The following UNC45B variants were observed in gnomAD, a reference collection of about 807,000 sequenced individuals.
UNC45B encodes protein unc-45 homolog B.
UNC45B carries 78 observed loss-of-function variants against 98.7 expected under a neutral mutation model. That is an observed-to-expected ratio of 0.79 (90% CI 0.66 to 0.95). The LOEUF is 0.95. Ranked by LOEUF, UNC45B falls within the 40% of genes least tolerant of loss-of-function variation. UNC45B has a pLI of 0.00. For missense variants in UNC45B, 1,225 were observed against 1,184.9 expected, an observed-to-expected ratio of 1.03 and a Z score of -0.50; for synonymous variants, 462 against 480.4, an observed-to-expected ratio of 0.96 and a Z score of 0.50.
At chr17:35,149,878 C>T (rs1211365861) in intron 3 of UNC45B, among the ~76,000 whole-genome samples, 170 bp from the exon 4 acceptor site, 1 of 152,206 alleles carries the variant, frequency 6.6e-6, no homozygotes, top group East Asian at 1.9e-4. Context: ...GTGGATCTTA[C>T]TGTCTCCCTA....
chr17:35,154,448 G>A, intron 5 of UNC45B, 126 bp from the exon 6 acceptor site: 1 of 868,832 alleles, frequency 1.2e-6, no homozygotes. Context: ...GGATTACCAA[G>A]GTGAGATAAT....
chr17:35,159,872 G>C (rs1268492160), intron 8 of UNC45B, among the ~76,000 whole-genome samples: 1 of 152,234 alleles, frequency 6.6e-6, no homozygotes, highest in Non-Finnish European at 1.5e-5. Flanking sequence ...TACTTCACAG[G>C]CCTTTCAAAA....
intron 5 of UNC45B, among the ~76,000 whole-genome samples, chr17:35,153,483 A>AT (rs958028958): frequency 7.3e-6 from 1 of 136,124 alleles, no homozygotes; most frequent in African/African-American, 2.6e-5. Context: ...CAAACTTGTT[A>AT]CCTTTTTTTT....
intron 19 of UNC45B, among the ~76,000 whole-genome samples, chr17:35,184,185 T>C (rs1327208449): frequency 6.6e-6 from 1 of 152,210 alleles, no homozygotes; most frequent in Non-Finnish European, 1.5e-5. Flanking sequence ...CAGGCTCTTC[T>C]AGATAGTCAG....
At chr17:35,160,008 G>A (rs574025272) in intron 8 of UNC45B, among the ~76,000 whole-genome samples, 14 of 152,172 alleles carry the variant, frequency 9.2e-5, no homozygotes, top group African/African-American at 1.4e-4. Flanking sequence ...GACATGCCCC[G>A]CAGAGAGGAA....
intron 5 of UNC45B, 79 bp downstream of exon 5, chr17:35,153,061 G>T: frequency 7.9e-7 from 1 of 1,271,420 alleles, no homozygotes; most frequent in Admixed American, 2.0e-5. Flanking sequence ...GGGGGAAGGG[G>T]GACCGGAGGC....
chr17:35,187,614 G>A lies in UNC45B; in HGVS notation c.*1055G>A, dbSNP rs2092311803. ...GCCTGGGTCATATATACAAGTCTAG[G>A]GAAGAAATGAGCTTCATCCCTGTCC... On this transcript the variant is annotated 3_prime_UTR_variant, in exon 20 of 20. Coordinates refer to ENST00000394570, the MANE Select transcript of UNC45B (RefSeq NM_001267052.2). 2 of 152,192 alleles carry A rather than the reference G, an allele frequency of 1.3e-5. No individual in the cohort carries two copies. Among genetic ancestry groups the A allele is most frequent in the Admixed American group, 1.3e-4 (2 of 15,280 alleles). The allele number at this position is 152,192 out of a possible 1,614,324, so 9.4% of individuals were successfully genotyped here. A position where few individuals can be genotyped will look rare whatever the true frequency, so the allele number is the denominator to read the frequency against.
Position 35,154,857 on chromosome 17 carries a change from G to C in UNC45B, c.639+116G>C, listed in dbSNP as rs529562507. 2.1e-3 allele frequency: 2,419 copies of C among 1,160,192 alleles called. 1 individual carries two copies. The highest frequency in any genetic ancestry group is 2.4e-3 in the Non-Finnish European group (2,093 of 870,412). The allele number at this position is 1,160,192 out of a possible 1,614,324, so 71.9% of individuals were successfully genotyped here. A position where few individuals can be genotyped will look rare whatever the true frequency, so the allele number is the denominator to read the frequency against. ...AATGGAACCAGATAAAAAGTCAAAG[G>C]GTGCTCCAGTCTCTTTTTCCCTTTC... On this transcript the variant is annotated intron_variant, in intron 6 of 19. Transcript: ENST00000394570.
rs941020747 is a variant in UNC45B at position 35,154,656 on chromosome 17, T to G, written c.554T>G (p.Leu185Arg). ...CAGAACAATGGAGTAGCCTTGCTAC[T>G]GCAGCTTCTGGACACTAAGAAGCCT... ...IFQNNGVALLLQLLDTKKPEL... is the reference protein window; with the variant it reads ...IFQNNGVALLRQLLDTKKPEL... Residue 185 changes from leucine (L) to arginine (R), a missense_variant, in exon 6 of 20, where the codon CTG (leucine) becomes CGG (arginine). Leu to Arg is a moderately radical substitution (Grantham distance 102, BLOSUM62 -2). Transcript: ENST00000394570. 6.2e-7 allele frequency: 1 copy of G among 1,613,330 alleles called. No individual in the cohort carries two copies. Among genetic ancestry groups the G allele is most frequent in the Non-Finnish European group, 8.5e-7 (1 of 1,179,886 alleles).
chr17:35,169,828 C>T lies in UNC45B; in HGVS notation c.1453-9C>T, dbSNP rs1329169287. 1.2e-6 allele frequency: 2 copies of T among 1,613,722 alleles called. No homozygotes were observed. Among genetic ancestry groups the T allele is most frequent in the Non-Finnish European group, 1.7e-6 (2 of 1,179,696 alleles). Reference sequence around the variant, plus strand: ...CCTGCATGTGTCTGCTGTCTCCTCTCCTCCTCAGGGACTCTGTAAGCTCGG... The same window carrying T: ...CCTGCATGTGTCTGCTGTCTCCTCTTCTCCTCAGGGACTCTGTAAGCTCGG... On this transcript the variant is annotated splice_polypyrimidine_tract_variant and intron_variant, in intron 10 of 19. Transcript: ENST00000394570.
At chr17:35,176,095 A>C in intron 15 of UNC45B, 61 bp downstream of exon 15, 1 of 1,534,446 alleles carries the variant, frequency 6.5e-7, no homozygotes, top group Non-Finnish European at 9.0e-7. Context: ...CTAGCGCAAG[A>C]ATTATGTACC....
intron 16 of UNC45B, 106 bp from the exon 17 acceptor site, chr17:35,177,389 T>C (rs1349172007): frequency 3.8e-6 from 3 of 787,250 alleles, no homozygotes; most frequent in Non-Finnish European, 6.2e-6. Context: ...AATCAGACAA[T>C]GTATGAGAAA....
In UNC45B at chr17:35,173,891, C is replaced by A. The variant is rs565286623; in HGVS notation, c.1831-351C>A. Among the ~76,000 whole-genome samples the A allele has an allele frequency of 4.0e-5, 6 of 150,712 alleles. 1 individual carries two copies. The South Asian group carries it at 1.3e-3, about 32-fold the overall frequency. ...GCAGTGGTGCGATCTCGGCTCACTG[C>A]AAGCTCTGCCCCCGGGTTCATGCCA... On this transcript the variant is annotated intron_variant, in intron 13 of 19. Coordinates refer to ENST00000394570, the MANE Select transcript of UNC45B (RefSeq NM_001267052.2).
At chr17:35,184,321 T>G (rs1198992156) in intron 19 of UNC45B, among the ~76,000 whole-genome samples, 1 of 152,240 alleles carries the variant, frequency 6.6e-6, no homozygotes, top group Non-Finnish European at 1.5e-5. Flanking sequence ...GACTTCAGCT[T>G]CTTTCTCTAA....
In UNC45B at chr17:35,155,324, T is replaced by C. The variant is rs2092051830; in HGVS notation, c.668T>C (p.Ile223Thr). The stretch of plus-strand genomic sequence containing the variant: ...ACAGTGATTCTGCATGCAGTGCGGA[T>C]AGACCGAATCTGTAGCCTCATGGCC... ...RATVILHAVR[I>T]DRICSLMAVE... The change falls in exon 7 of 20, where the codon ATA becomes ACA. Residue 223 changes from isoleucine (I) to threonine (T), a missense_variant. By Grantham distance (89) the Ile-to-Thr change is moderately conservative (BLOSUM62 -1). Transcript: ENST00000394570. The C allele has an allele frequency of 6.2e-7, 1 of 1,614,150 alleles. No individual in the cohort carries two copies.
chr17:35,164,146 G>T lies in UNC45B; in HGVS notation c.1131G>T (p.Lys377Asn), dbSNP rs758172033. 1 of 1,612,106 alleles carries T rather than the reference G, an allele frequency of 6.2e-7. No individual in the cohort carries two copies. Among genetic ancestry groups the T allele is most frequent in the Non-Finnish European group, 8.5e-7 (1 of 1,179,050 alleles). The change falls in exon 9 of 20, where the codon AAG (lysine) becomes AAT (asparagine). Residue 377 changes from lysine to asparagine, a missense_variant. Transcript: ENST00000394570. Reference sequence around the variant, plus strand: ...ACCCGGAGCGCGATCACTTCCGCAAGATCTGTGAGGAATATATCACGTAAG... The same window carrying T: ...ACCCGGAGCGCGATCACTTCCGCAATATCTGTGAGGAATATATCACGTAAG... ...RCDPERDHFR[K>N]ICEEYITGKF...
chr17:35,153,397 T>C (rs998059427), intron 5 of UNC45B, among the ~76,000 whole-genome samples: 5 of 152,218 alleles, frequency 3.3e-5, no homozygotes, highest in African/African-American at 1.2e-4. Context: ...AAAATAACAT[T>C]TTATTTCATT....
At chr17:35,176,225 A>G (rs1003449682) in intron 15 of UNC45B, among the ~76,000 whole-genome samples, 191 bp downstream of exon 15, 1 of 152,128 alleles carries the variant, frequency 6.6e-6, no homozygotes, top group Non-Finnish European at 1.5e-5. Context: ...TTGGAATCCC[A>G]TCTATCCTCC....
At chr17:35,160,066 T>C (rs947780010) in intron 8 of UNC45B, among the ~76,000 whole-genome samples, 2 of 152,062 alleles carry the variant, frequency 1.3e-5, no homozygotes, top group African/African-American at 4.8e-5. Flanking sequence ...TCTCCAAAGA[T>C]GATTTTAAGG....
Sources: allele counts gnomAD v4.1 joint callset (sites outside exome capture counted in the v4.1 genomes callset), GRCh38; gene constraint gnomAD v4.1.1; transcripts MANE v1.5; gene names NCBI Gene and HGNC (gene_info 2026-07-23, HGNC 2026-07-21).